The following TAF6 variants were observed in gnomAD, a reference collection of about 807,000 sequenced individuals.
TAF6 encodes TATA-box binding protein associated factor 6.
In TAF6, 50 loss-of-function variants were observed where a neutral mutation model predicts 73.5. The ratio of observed to expected loss-of-function variants is 0.68; its 90% confidence interval spans 0.54 to 0.86. The LOEUF (loss-of-function observed/expected upper bound fraction) is 0.86. Ranked by LOEUF, TAF6 falls within the 40% of genes least tolerant of loss-of-function variation. The pLI, the probability that TAF6 is intolerant of heterozygous loss-of-function variation, is 0.00. For missense variants in TAF6, 768 were observed against 899.5 expected (o/e 0.85, Z 1.87); for synonymous variants, 424 against 376.7 (o/e 1.13, Z -1.45).
rs1412502528 is a variant in TAF6, at chr7:100,107,816, G to C, written c.1656+110C>G. 8 of 1,432,318 alleles carry C rather than the reference G, an allele frequency of 5.6e-6. No individual in the cohort carries two copies. In the African/African-American group the frequency reaches 7.2e-5, roughly 13 times the overall value. The allele number at this position is 1,432,318 out of a possible 1,614,324, so 88.7% of individuals were successfully genotyped here. ...AGGACCCTGGTGGGCGCCTCTTCCA[G>C]CTCTTGACTTGGGGCCCAGAGGGGA... is the stretch of plus-strand genomic sequence containing the variant. On this transcript the variant is annotated intron_variant, in intron 14 of 14. Coordinates refer to ENST00000453269, the MANE Select transcript of TAF6 (RefSeq NM_139315.3).
At chr7:100,120,978 A>G (rs1322461498), upstream of TAF6, among the ~76,000 whole-genome samples, 1 of 151,690 alleles carries the variant, frequency 6.6e-6, no homozygotes, top group African/African-American at 2.4e-5. Flanking sequence ...GCAGGATAAC[A>G]GTGAATACTT....
At chr7:100,118,758 C>T (rs892369471) in intron 1 of TAF6, 4 of 613,716 alleles carry the variant, frequency 6.5e-6, no homozygotes, top group Non-Finnish European at 2.0e-6. Flanking sequence ...AGGGTGGGGC[C>T]GTGCTGGAAG....
At position 100,112,391 on chromosome 7, in the gene TAF6, C is replaced by T. The variant is rs1797270100; in HGVS notation, c.575-138G>A. On this transcript the variant is annotated intron_variant, in intron 6 of 14. Transcript: ENST00000453269. ...AGGCTCCCCCATCCTTTCTGGGGCT[C>T]TGGCCCTGACCTCAGCCACTTCACC... The T allele has an allele frequency of 3.2e-6, 4 of 1,263,788 alleles. No homozygotes were observed. The African/African-American group carries it at 6.0e-5, about 19-fold the overall frequency. The allele number at this position is 1,263,788 out of a possible 1,614,324, so 78.3% of individuals were successfully genotyped here.
chr7:100,112,947 G>A, intron 5 of TAF6, 30 bp from the exon 6 acceptor site: 1 of 1,588,996 alleles, frequency 6.3e-7, no homozygotes, highest in East Asian at 2.3e-5. Context: ...AGCGGGAGGG[G>A]TGATGAGCAT....
chr7:100,124,946 C>T, the TAF6 span: 2 of 1,518,128 alleles, frequency 1.3e-6, no homozygotes, highest in East Asian at 2.3e-5. Flanking sequence ...CTAAAGCCTG[C>T]ACTCTCCCTG....
Position 100,108,007 on chromosome 7 carries a change from C to G in TAF6, c.1575G>C (p.Ala525=). 6.2e-7 allele frequency: 1 copy of G among 1,613,914 alleles called. No homozygotes were observed. The highest frequency in any genetic ancestry group is 8.5e-7 in the Non-Finnish European group (1 of 1,179,982). Residue 525 remains alanine (A), a synonymous_variant, in exon 14 of 15, where the codon GCG becomes GCC. Transcript: ENST00000453269. ...LPVQTLVSAR[A]AAPPQPSPPP... is the part of the protein sequence containing the mutation. ...GAGGGGAAGGCTGTGGTGGGGCAGC[C>G]GCTCGTGCAGACACCAGTGTCTGGA...
intron 3 of TAF6, 28 bp from the exon 4 acceptor site, chr7:100,113,797 A>T (rs1263459721): frequency 1.9e-6 from 3 of 1,613,514 alleles, no homozygotes; most frequent in Admixed American, 1.7e-5. Context: ...GGCATGGGTA[A>T]GAAGGGAGCC....
chr7:100,114,313 A>G, intron 1 of TAF6, 45 bp from the exon 2 acceptor site: 1 of 1,584,148 alleles, frequency 6.3e-7, no homozygotes, highest in Non-Finnish European at 8.6e-7. Flanking sequence ...AACGTGAGAC[A>G]CAGGGAGAGG....
upstream of TAF6, among the ~76,000 whole-genome samples, chr7:100,121,573 G>C (rs537535338): frequency 6.6e-6 from 1 of 151,740 alleles, no homozygotes; most frequent in Non-Finnish European, 1.5e-5. Context: ...TCAGCTTCCC[G>C]AGTAGCTATT....
At chr7:100,126,555 G>A in the TAF6 span, 1 of 152,318 alleles carries the variant, frequency 6.6e-6, no homozygotes, top group Non-Finnish European at 1.5e-5. Flanking sequence ...AGCACTTCAG[G>A]AGACCAAGAC....
intron 12 of TAF6, among the ~76,000 whole-genome samples, chr7:100,109,390 T>G (rs1393723046): frequency 6.6e-6 from 1 of 151,820 alleles, no homozygotes; most frequent in Non-Finnish European, 1.5e-5. Flanking sequence ...TGCTAAATAC[T>G]GTGGCAGGAT....
At chr7:100,119,866 TTTGAAGGGGGTAGCCCC>T (rs769868074), upstream of TAF6, 1 of 1,611,194 alleles carries the variant, frequency 6.2e-7, no homozygotes, top group Non-Finnish European at 8.5e-7. Context: ...TGCGAAGGTA[TTTGAAGGGGGTAGCCCC>T]TATAGGCATC....
At chr7:100,107,718 G>A in intron 14 of TAF6, 95 bp from the exon 15 acceptor site, 1 of 1,521,178 alleles carries the variant, frequency 6.6e-7, no homozygotes, top group South Asian at 1.3e-5. Flanking sequence ...GCCTGAACAA[G>A]TTGTTCCTGT....
At chr7:100,122,772 T>C (rs1255989412), upstream of TAF6, 46 of 1,608,792 alleles carry the variant, frequency 2.9e-5, no homozygotes, top group Non-Finnish European at 3.7e-5. Flanking sequence ...TGCCAAATTC[T>C]TAATCTCTCA....
At chr7:100,122,373 C>G (rs1798100203), upstream of TAF6, 2 of 1,614,058 alleles carry the variant, frequency 1.2e-6, no homozygotes, top group African/African-American at 1.3e-5. Flanking sequence ...AGACACGTGC[C>G]TTACAGCGTT....
chr7:100,114,005 C>G, intron 2 of TAF6, 49 bp downstream of exon 2: 1 of 1,614,100 alleles, frequency 6.2e-7, no homozygotes, highest in African/African-American at 1.3e-5. Flanking sequence ...AGGACGGGGC[C>G]CTGGGTGACA....
At chr7:100,110,166 C>T (rs1797036923) in intron 11 of TAF6, 34 bp downstream of exon 11, 8 of 1,614,082 alleles carry the variant, frequency 5.0e-6, no homozygotes, top group Non-Finnish European at 6.8e-6. Flanking sequence ...ATGACTGTGT[C>T]CCCTCCCCCA....
upstream of TAF6, chr7:100,122,581 A>G: frequency 6.3e-7 from 1 of 1,599,386 alleles, no homozygotes; most frequent in Non-Finnish European, 8.5e-7. Context: ...TGCCAAGGTC[A>G]GACCCTTCCC....
rs749377331 is a variant in TAF6 at position 100,113,612 on chromosome 7, C to G, written c.397+4G>C. ...CCTGCCACCCTGCTCTCCCCTCCCC[C>G]AACCTTTGAGGCAGACGTCCAGGGG... On this transcript the variant is annotated splice_donor_region_variant and intron_variant, in intron 4 of 14. Coordinates refer to ENST00000453269, the MANE Select transcript of TAF6 (RefSeq NM_139315.3). 5.0e-6 allele frequency: 8 copies of G among 1,613,918 alleles called. No homozygotes were observed. The Admixed American group carries it at 1.2e-4, about 24-fold the overall frequency.
Sources: gnomAD v4.1 joint callset for allele counts (sites outside exome capture counted in the v4.1 genomes callset) on GRCh38, gnomAD v4.1.1 for gene constraint, MANE v1.5 for transcripts, NCBI Gene and HGNC (gene_info 2026-07-23, HGNC 2026-07-21) for gene names.